IQCH: variants seen among roughly 807,000 people sequenced by gnomAD.
IQCH encodes the protein IQ domain-containing protein H.
Under a neutral mutation model 117.0 loss-of-function variants are expected in IQCH, and 98 were observed. That is an observed-to-expected ratio of 0.84 (90% CI 0.71 to 0.99). IQCH has a LOEUF of 0.99. IQCH is among the 50% of genes least tolerant of loss of function. The pLI is 0.00. For synonymous variants in IQCH, 412 were observed against 448.2 expected, an observed-to-expected ratio of 0.92 and a Z score of 1.02; for missense variants, 1,102 against 1,243.8, an observed-to-expected ratio of 0.89 and a Z score of 1.72.
At position 67,390,414 on chromosome 15, in the gene IQCH, AT is replaced by A. The variant is rs1971246573; in HGVS notation, c.1632+1409del. On this transcript the variant is annotated intron_variant, in intron 12 of 20. Transcript: ENST00000335894. This position sits in a 1 kb window ranked among gnomAD's most constrained non-coding sequence, Gnocchi z 5.0. ...CCCATATACATTAAAGAGGCATAGA[AT>A]GGGGAAGGGGCACTAGATTGGGGAG... Among the ~76,000 whole-genome samples the A allele has an allele frequency of 1.3e-5, 2 of 152,192 alleles. No homozygotes were observed. Among genetic ancestry groups the A allele is most frequent in the African/African-American group, 4.8e-5 (2 of 41,456 alleles).
intron 16 of IQCH, among the ~76,000 whole-genome samples, chr15:67,442,475 T>C (rs1183495871): frequency 6.6e-6 from 1 of 150,380 alleles, no homozygotes; most frequent in Non-Finnish European, 1.5e-5. Context: ...AAAACCACAA[T>C]GCAATACCAC....
chr15:67,371,104 G>C (rs926444787), intron 8 of IQCH, among the ~76,000 whole-genome samples: 10 of 152,066 alleles, frequency 6.6e-5, no homozygotes, highest in Non-Finnish European at 1.5e-4. Flanking sequence ...ACCTAAGCAA[G>C]AAGAAACAAT....
intron 14 of IQCH, among the ~76,000 whole-genome samples, chr15:67,414,667 T>A (rs553134145): frequency 0.059 from 8,741 of 147,630 alleles, 318 homozygotes; most frequent in East Asian, 0.12. Context: ...AAAAAAAATA[T>A]ATATATATAT....
chr15:67,333,042 G>A (rs1035244496), intron 4 of IQCH, among the ~76,000 whole-genome samples: 9 of 152,260 alleles, frequency 5.9e-5, no homozygotes, highest in South Asian at 2.1e-4. Context: ...CATAGATGGC[G>A]CCTTTTCTCT....
At chr15:67,294,142 C>T (rs181609878) in intron 4 of IQCH, among the ~76,000 whole-genome samples, 2 of 152,218 alleles carry the variant, frequency 1.3e-5, no homozygotes, top group Non-Finnish European at 2.9e-5. Context: ...GCAGTGTGAC[C>T]TCTGCATCCT....
chr15:67,490,618 G>A lies in IQCH; in HGVS notation c.2861+554G>A, dbSNP rs1425323700. Reference sequence around the variant, plus strand: ...ATTTAACAACATATTATACCCAAATGCATACACAGATAAGGCACATCAGAT... The same window carrying A: ...ATTTAACAACATATTATACCCAAATACATACACAGATAAGGCACATCAGAT... On this transcript the variant is annotated intron_variant, in intron 19 of 20. Coordinates refer to ENST00000335894, the MANE Select transcript of IQCH (RefSeq NM_001031715.3). The surrounding 1 kb of genome is among the most constrained non-coding windows in gnomAD (Gnocchi z 4.9). Among the ~76,000 whole-genome samples, 1 of 152,152 alleles carries A rather than the reference G, an allele frequency of 6.6e-6. No homozygotes were observed.
intron 5 of IQCH, among the ~76,000 whole-genome samples, chr15:67,340,472 T>G (rs1400949677): frequency 8.8e-6 from 1 of 113,822 alleles, no homozygotes; most frequent in African/African-American, 3.2e-5. Flanking sequence ...AAACAGTAAC[T>G]TGTCATACCT....
At position 67,447,355 on chromosome 15, in the gene IQCH, C is replaced by T. The variant is rs2082412223; in HGVS notation, c.2506-17772C>T. On this transcript the variant is annotated intron_variant, in intron 16 of 20. Transcript: ENST00000335894. This position sits in a 1 kb window ranked among gnomAD's most constrained non-coding sequence, Gnocchi z 5.3. ...AGATTGCTGCCATCCAAAAGGATGT[C>T]CTATTAGCCTGACAGGGTGCTGAAT... 6.6e-6 allele frequency among the ~76,000 whole-genome samples: 1 copy of T among 152,142 alleles called. No homozygotes were observed. Among genetic ancestry groups the T allele is most frequent in the South Asian group, 2.1e-4 (1 of 4,828 alleles).
At chr15:67,259,577 G>A (rs1010296710) in intron 1 of IQCH, among the ~76,000 whole-genome samples, 1 of 152,164 alleles carries the variant, frequency 6.6e-6, no homozygotes, top group African/African-American at 2.4e-5. Context: ...TCCACACAAG[G>A]CAGGTGAAAA....
intron 14 of IQCH, among the ~76,000 whole-genome samples, chr15:67,409,693 G>A (rs1406400212): frequency 1.3e-5 from 2 of 152,162 alleles, no homozygotes; most frequent in Non-Finnish European, 2.9e-5. Context: ...CCACACAGCC[G>A]AAATGGGCCA....
At chr15:67,291,641 T>C (rs996113639) in intron 4 of IQCH, among the ~76,000 whole-genome samples, 1 of 152,164 alleles carries the variant, frequency 6.6e-6, no homozygotes, top group Non-Finnish European at 1.5e-5. Context: ...TGGCATAATA[T>C]GGTAAAAGAT....
At chr15:67,396,343 G>T (rs1232851354) in intron 13 of IQCH, among the ~76,000 whole-genome samples, 2 of 152,014 alleles carry the variant, frequency 1.3e-5, no homozygotes, top group African/African-American at 2.4e-5. Flanking sequence ...GATCTCAGAA[G>T]GGGGAAGTAA....
intron 14 of IQCH, among the ~76,000 whole-genome samples, chr15:67,415,776 T>G (rs2081560817): frequency 6.6e-6 from 1 of 152,218 alleles, no homozygotes; most frequent in Non-Finnish European, 1.5e-5. Context: ...AATCTGAGTT[T>G]TTCTTGTCAG....
chr15:67,455,973 A>T (rs1049713985), intron 16 of IQCH, among the ~76,000 whole-genome samples: 1 of 152,246 alleles, frequency 6.6e-6, no homozygotes, highest in Non-Finnish European at 1.5e-5. Context: ...CCAAAAATTC[A>T]TAAGAAAAAA....
At chr15:67,326,745 AAAC>A (rs1429348262) in intron 4 of IQCH, among the ~76,000 whole-genome samples, 8 of 152,230 alleles carry the variant, frequency 5.3e-5, no homozygotes, top group Admixed American at 5.2e-4. Context: ...AGCTTATAGA[AAAC>A]AACAATTTTC....
At chr15:67,355,828 T>C (rs1432252760) in intron 6 of IQCH, among the ~76,000 whole-genome samples, 2 of 152,222 alleles carry the variant, frequency 1.3e-5, no homozygotes, top group South Asian at 2.1e-4. Flanking sequence ...AATTTAGTGA[T>C]AGCATTTCTG....
Position 67,352,803 on chromosome 15 carries a change from T to C in IQCH, c.638-4542T>C, listed in dbSNP as rs529801073. Among the ~76,000 whole-genome samples the C allele has an allele frequency of 1.2e-4, 19 of 152,296 alleles. No homozygotes were observed. The South Asian group carries it at 3.1e-3, about 25-fold the overall frequency. On this transcript the variant is annotated intron_variant, in intron 6 of 20. Transcript: ENST00000335894. ...TTTTATTTATCCTGCTTTGTATTTA[T>C]TGGGATTCTTGAATCTGTAGACCAA...
rs992050597 is a variant in IQCH, at chr15:67,411,600, G to A, written c.2098-5331G>A. On this transcript the variant is annotated intron_variant, in intron 14 of 20. Coordinates refer to ENST00000335894, the MANE Select transcript of IQCH (RefSeq NM_001031715.3). This position sits in a 1 kb window ranked among gnomAD's most constrained non-coding sequence, Gnocchi z 4.4. ...GTTATTAATTCACCACTGCAGATTGGCACATGACCCAATTACACCAATGTG... is the reference window on the plus strand; with the variant it reads ...GTTATTAATTCACCACTGCAGATTGACACATGACCCAATTACACCAATGTG... 3.3e-5 allele frequency among the ~76,000 whole-genome samples: 5 copies of A among 152,020 alleles called. No individual in the cohort carries two copies. The highest frequency in any genetic ancestry group is 1.2e-4 in the African/African-American group (5 of 41,408).
chr15:67,284,598 T>A (rs1966489420), intron 4 of IQCH, among the ~76,000 whole-genome samples: 1 of 152,138 alleles, frequency 6.6e-6, no homozygotes, highest in African/African-American at 2.4e-5. Flanking sequence ...TTTTTCCTGA[T>A]CCTCTCCCTT....
Sources: allele counts gnomAD v4.1 joint callset (sites outside exome capture counted in the v4.1 genomes callset), GRCh38; gene constraint gnomAD v4.1.1; non-coding constraint Gnocchi (gnomAD v3.1); transcripts MANE v1.5; gene names NCBI Gene and HGNC (gene_info 2026-07-23, HGNC 2026-07-21).